Variants in PRDM1 observed in about 807,000 individuals in gnomAD.
The protein encoded by PRDM1 is PR domain zinc finger protein 1.
A neutral mutation model predicts 62.8 loss-of-function variants in PRDM1; 13 were observed. That is an observed-to-expected ratio of 0.21 (90% CI 0.13 to 0.33). PRDM1 has a LOEUF of 0.33. Among genes scored for constraint, PRDM1 ranks in the 10% least tolerant of loss-of-function variants. The pLI, the probability that PRDM1 is intolerant of heterozygous loss-of-function variation, is 1.00. For synonymous variants in PRDM1, 396 were observed against 417.6 expected, an observed-to-expected ratio of 0.95 and a Z score of 0.63; for missense variants, 895 against 1,058.8, an observed-to-expected ratio of 0.85 and a Z score of 2.15.
At chr6:106,095,517 A>G (rs531707133) in intron 2 of PRDM1, 98 bp from the exon 3 acceptor site, 1 of 1,343,804 alleles carries the variant, frequency 7.4e-7, no homozygotes, top group East Asian at 2.4e-5. Flanking sequence ...TATCATTGTT[A>G]GTTGTATTAC....
chr6:106,040,420 A>G (rs993247190), intron 1 of PRDM1, among the ~76,000 whole-genome samples: 2 of 152,224 alleles, frequency 1.3e-5, no homozygotes, highest in South Asian at 2.1e-4. Flanking sequence ...TCTGCAGGCC[A>G]GGGTGTATTT....
intron 1 of PRDM1, among the ~76,000 whole-genome samples, chr6:105,998,653 C>T (rs528769420): frequency 9.6e-4 from 146 of 152,122 alleles, no homozygotes; most frequent in African/African-American, 3.1e-3. Context: ...AGTCAGACTT[C>T]GGGAAGCTAG....
chr6:105,992,858 G>T (rs183674076), upstream of PRDM1, among the ~76,000 whole-genome samples: 1 of 152,330 alleles, frequency 6.6e-6, no homozygotes, highest in Admixed American at 6.5e-5. Flanking sequence ...TAGGTAGGCG[G>T]GAAAGAGCTT....
At chr6:105,999,459 G>A (rs1462323407) in intron 1 of PRDM1, among the ~76,000 whole-genome samples, 2 of 152,010 alleles carry the variant, frequency 1.3e-5, no homozygotes, top group African/African-American at 4.8e-5. Context: ...AAAGTGACAT[G>A]TTTTTTGCTT....
Position 106,104,995 on chromosome 6 carries a change from G to A in PRDM1, c.835G>A (p.Asp279Asn), listed in dbSNP as rs1562173276. The stretch of plus-strand genomic sequence containing the variant: ...CATTTCACCCCTCACATCAGAAAAG[G>A]ACCTCGATGACTTTAGAAGACGTGG... Reference protein sequence around the residue: ...SNISPLTSEKDLDDFRRRGSP... With the variant: ...SNISPLTSEKNLDDFRRRGSP... Residue 279 changes from aspartate to asparagine, a missense_variant, in exon 5 of 7, where the codon GAC (aspartate) becomes AAC (asparagine). Asp to Asn is a conservative substitution (Grantham distance 23). Coordinates refer to ENST00000369096, the MANE Select transcript of PRDM1 (RefSeq NM_001198.4). 19 of 1,613,952 alleles carry A rather than the reference G, an allele frequency of 1.2e-5. No individual in the cohort carries two copies. The highest frequency in any genetic ancestry group is 1.4e-5 in the Non-Finnish European group (17 of 1,180,026).
At chr6:106,020,443 G>A (rs897112357) in intron 1 of PRDM1, among the ~76,000 whole-genome samples, 7 of 152,090 alleles carry the variant, frequency 4.6e-5, no homozygotes, top group Admixed American at 6.6e-5. Flanking sequence ...GGAATTACAC[G>A]GATGAGCCAC....
chr6:106,069,771 C>A (rs574759532), intron 1 of PRDM1, among the ~76,000 whole-genome samples: 49 of 152,240 alleles, frequency 3.2e-4, no homozygotes, highest in African/African-American at 1.2e-3. Context: ...CTCGTGTGCT[C>A]CACTGTAAAC....
rs141752903 is a variant in PRDM1, at chr6:106,034,820, C to T, written c.-67+41181C>T. The stretch of plus-strand genomic sequence containing the variant: ...CTAGTTTTTGTATTTTTAGTAGAGA[C>T]GGGGTTTCACTATGTTGCCCAGGCT... On this transcript the variant is annotated intron_variant, in intron 1 of 6. Transcript: ENST00000652320. Among the ~76,000 whole-genome samples, 260 of 151,752 alleles carry T rather than the reference C, an allele frequency of 1.7e-3. 1 individual carries two copies. The highest frequency in any genetic ancestry group is 5.9e-3 in the African/African-American group (245 of 41,426).
At chr6:106,022,426 A>AT (rs67542176) in intron 1 of PRDM1, among the ~76,000 whole-genome samples, 4,767 of 132,700 alleles carry the variant, frequency 0.036, 218 homozygotes, top group African/African-American at 0.11. Flanking sequence ...CGCCCAGCTA[A>AT]TTTTTTTTTT....
intron 1 of PRDM1, among the ~76,000 whole-genome samples, chr6:106,002,854 C>T (rs1354998013): frequency 6.6e-6 from 1 of 152,162 alleles, no homozygotes; most frequent in Non-Finnish European, 1.5e-5. Context: ...CTGTTCTGAG[C>T]TTCACTTGAC....
upstream of PRDM1, among the ~76,000 whole-genome samples, chr6:106,081,358 G>A (rs950780368): frequency 6.6e-6 from 1 of 152,188 alleles, no homozygotes; most frequent in Non-Finnish European, 1.5e-5. Flanking sequence ...GAGCTTGGCT[G>A]GAAATCTGAG....
At chr6:106,080,155 C>T (rs1007729448) in intron 1 of PRDM1, among the ~76,000 whole-genome samples, 8 of 152,102 alleles carry the variant, frequency 5.3e-5, no homozygotes, top group Non-Finnish European at 8.8e-5. Flanking sequence ...GTGGTGGCAG[C>T]GTAATTAGTG....
At chr6:106,021,591 C>A (rs1772696959) in intron 1 of PRDM1, among the ~76,000 whole-genome samples, 1 of 152,190 alleles carries the variant, frequency 6.6e-6, no homozygotes, top group South Asian at 2.1e-4. Flanking sequence ...ATGGAACATT[C>A]ACCTCCTCTT....
In PRDM1 at chr6:105,994,527, G is replaced by A. The variant is rs866988828; in HGVS notation, c.-67+888G>A. On this transcript the variant is annotated intron_variant, in intron 1 of 6. Coordinates refer to the PRDM1 transcript ENST00000652320. This position sits in a 1 kb window ranked among gnomAD's most constrained non-coding sequence, Gnocchi z 4.1. ...AAGTCGCTCACCAAAAACGGGGTGG[G>A]GGATGGAGGTGGGGACGAGAAGTTT... is the stretch of plus-strand genomic sequence containing the variant. Among the ~76,000 whole-genome samples, 36 of 152,174 alleles carry A rather than the reference G, an allele frequency of 2.4e-4. No homozygotes were observed. The highest frequency in any genetic ancestry group is 5.0e-4 in the Non-Finnish European group (34 of 68,024).
At chr6:106,053,565 A>G (rs746864927) in intron 1 of PRDM1, among the ~76,000 whole-genome samples, 2 of 152,170 alleles carry the variant, frequency 1.3e-5, no homozygotes, top group South Asian at 2.1e-4. Flanking sequence ...GTATTCTAAT[A>G]GAATACATAA....
chr6:106,043,011 C>T (rs1438557158), intron 1 of PRDM1, among the ~76,000 whole-genome samples: 7 of 151,994 alleles, frequency 4.6e-5, no homozygotes, highest in African/African-American at 1.2e-4. Flanking sequence ...CCACCACGCC[C>T]GGCTAATTTT....
At chr6:106,057,871 T>C in intron 1 of PRDM1, among the ~76,000 whole-genome samples, 1 of 152,186 alleles carries the variant, frequency 6.6e-6, no homozygotes, top group East Asian at 1.9e-4. Flanking sequence ...TATACAAGTA[T>C]AGGTAAGACA....
intron 1 of PRDM1, among the ~76,000 whole-genome samples, chr6:106,021,042 G>A (rs918401666): frequency 6.6e-6 from 1 of 152,122 alleles, no homozygotes; most frequent in African/African-American, 2.4e-5. Context: ...AATAAGTACA[G>A]TAAAAAGTAG....
intron 1 of PRDM1, among the ~76,000 whole-genome samples, chr6:106,020,096 C>T (rs1267058918): frequency 6.7e-6 from 1 of 150,030 alleles, no homozygotes; most frequent in Non-Finnish European, 1.5e-5. Flanking sequence ...GTGTGGGTGG[C>T]GTGCACCTGT....
Sources: gnomAD v4.1 joint callset for allele counts (sites outside exome capture counted in the v4.1 genomes callset) on GRCh38, gnomAD v4.1.1 for gene constraint, Gnocchi (gnomAD v3.1) non-coding constraint, MANE v1.5 for transcripts, NCBI Gene and HGNC (gene_info 2026-07-23, HGNC 2026-07-21) for gene names.